Variants in PRKN observed in about 807,000 individuals in gnomAD.
The protein encoded by PRKN is parkin RBR E3 ubiquitin protein ligase, also known as E3 ubiquitin-protein ligase parkin.
Under a neutral mutation model 59.5 loss-of-function variants are expected in PRKN, and 56 were observed. That is an observed-to-expected ratio of 0.94 (90% confidence interval 0.76 to 1.18). PRKN has a LOEUF of 1.18. PRKN is among the 50% of genes most tolerant of loss of function. PRKN has a pLI of 0.00. For missense variants in PRKN, 657 were observed against 596.4 expected, an observed-to-expected ratio of 1.10 and a Z score of -1.06; for synonymous variants, 250 against 222.1, an observed-to-expected ratio of 1.13 and a Z score of -1.12.
intron 2 of PRKN, among the ~76,000 whole-genome samples, chr6:162,290,686 AT>A (rs1781392859): frequency 6.6e-6 from 1 of 152,216 alleles, no homozygotes; most frequent in African/African-American, 2.4e-5. Context: ...TTCTAAAAAA[AT>A]GAAAGTACTA....
chr6:161,716,989 T>G (rs1187591486), intron 7 of PRKN, among the ~76,000 whole-genome samples: 1 of 152,122 alleles, frequency 6.6e-6, no homozygotes, highest in Non-Finnish European at 1.5e-5. Flanking sequence ...AACACGGGCA[T>G]GTGTTCTAAT....
At chr6:162,393,191 G>C (rs958510017) in intron 2 of PRKN, among the ~76,000 whole-genome samples, 5 of 73,792 alleles carry the variant, frequency 6.8e-5, no homozygotes, top group Admixed American at 1.7e-4. Context: ...ACAGAGTCTC[G>C]CTCTGTTGCC....
chr6:161,969,093 G>A (rs1373488719), intron 6 of PRKN, among the ~76,000 whole-genome samples: 2 of 152,002 alleles, frequency 1.3e-5, no homozygotes, highest in Non-Finnish European at 2.9e-5. Context: ...TCTCAAACAT[G>A]GGAAGCCAGA....
intron 7 of PRKN, among the ~76,000 whole-genome samples, chr6:161,606,978 T>C (rs1394037336): frequency 1.3e-5 from 2 of 152,180 alleles, no homozygotes; most frequent in East Asian, 1.9e-4. Flanking sequence ...AGGGGCTTTA[T>C]TGAAATCAGG....
At chr6:161,884,993 C>T (rs1795079630) in intron 6 of PRKN, among the ~76,000 whole-genome samples, 1 of 151,164 alleles carries the variant, frequency 6.6e-6, no homozygotes, top group African/African-American at 2.4e-5. Flanking sequence ...AAAAAAAATG[C>T]TATCTGTAGT....
rs1367046888 is a variant in PRKN at position 161,581,212 on chromosome 6, A to G, written c.872-11796T>C. ...CAACAGAGTGAGACTCTGTCTCAAA[A>G]AAAAAAAAAAAGTTTCTCTATGTAT... On this transcript the variant is annotated intron_variant, in intron 7 of 11. Transcript: ENST00000366898. This position sits in a 1 kb window ranked among gnomAD's most constrained non-coding sequence, Gnocchi z 4.5. Among the ~76,000 whole-genome samples the G allele has an allele frequency of 6.6e-6, 1 of 152,038 alleles. No individual in the cohort carries two copies.
intron 6 of PRKN, among the ~76,000 whole-genome samples, chr6:161,969,269 T>C: frequency 2.2e-5 from 1 of 45,376 alleles, no homozygotes; most frequent in East Asian, 6.9e-4. Context: ...GTCTTATTTG[T>C]TTTTTTTTTT....
intron 4 of PRKN, among the ~76,000 whole-genome samples, chr6:162,098,496 A>G (rs2128298334): frequency 6.6e-6 from 1 of 152,320 alleles, no homozygotes; most frequent in East Asian, 1.9e-4. Flanking sequence ...CTATTTGGAC[A>G]CTAAGCTGCT....
intron 9 of PRKN, among the ~76,000 whole-genome samples, chr6:161,403,493 C>A (rs1365097740): frequency 1.3e-5 from 2 of 152,120 alleles, no homozygotes; most frequent in Non-Finnish European, 2.9e-5. Context: ...GGTTATTGTT[C>A]CAAATCAAAT....
chr6:162,573,138 T>C (rs561617523), intron 1 of PRKN, among the ~76,000 whole-genome samples: 7 of 152,320 alleles, frequency 4.6e-5, no homozygotes, highest in Non-Finnish European at 8.8e-5. Flanking sequence ...GAATGTCTTA[T>C]ATATTTGGGT....
At chr6:162,313,146 C>G (rs1447369700) in intron 2 of PRKN, among the ~76,000 whole-genome samples, 3 of 152,030 alleles carry the variant, frequency 2.0e-5, no homozygotes, top group Non-Finnish European at 4.4e-5. Context: ...CCATCTTACC[C>G]ATCTCTAAGT....
chr6:162,032,389 A>G (rs566175886), intron 5 of PRKN, among the ~76,000 whole-genome samples: 4 of 152,270 alleles, frequency 2.6e-5, no homozygotes, highest in South Asian at 4.1e-4. Context: ...TAGAAAAGGA[A>G]TTCTAAGGCA....
chr6:161,880,316 C>T (rs894618993), intron 6 of PRKN, among the ~76,000 whole-genome samples: 1 of 152,102 alleles, frequency 6.6e-6, no homozygotes, highest in Admixed American at 6.6e-5. Context: ...ATTTCTATTT[C>T]TGGTCATCCT....
chr6:161,943,984 C>G (rs1488587208), intron 6 of PRKN, among the ~76,000 whole-genome samples: 3 of 150,150 alleles, frequency 2.0e-5, no homozygotes, highest in Non-Finnish European at 3.0e-5. Flanking sequence ...GAGGAAGCAG[C>G]CTGAGGAAGG....
rs768688516 is a variant in PRKN, at chr6:162,054,205, A to G, written c.535-31T>C. 7.1e-6 allele frequency: 9 copies of G among 1,265,794 alleles called. No homozygotes were observed. The South Asian group carries it at 9.5e-5, about 13-fold the overall frequency. 78.4% of individuals were successfully genotyped at this position (1,265,794 alleles called of 1,614,324 possible). A position where few individuals can be genotyped will look rare whatever the true frequency, so the allele number is the denominator to read the frequency against. On this transcript the variant is annotated intron_variant, in intron 4 of 11. Transcript: ENST00000366898. ...GGAAAAAACAACAATATATGCTTAT[A>G]TGAGTTATAATAGAAATGTACTCCT...
chr6:161,882,351 C>T (rs988258967), intron 6 of PRKN, among the ~76,000 whole-genome samples: 1 of 152,136 alleles, frequency 6.6e-6, no homozygotes, highest in Non-Finnish European at 1.5e-5. Flanking sequence ...GGGGCGGGGG[C>T]GTGCGGTGCA....
At position 161,804,294 on chromosome 6, in the gene PRKN, TATGAGG is replaced by T. The variant is rs200746874; in HGVS notation, c.735-18392_735-18387del. 6.7e-3 allele frequency among the ~76,000 whole-genome samples: 1,021 copies of T among 152,284 alleles called. 14 individuals carry two copies. Among genetic ancestry groups the T allele is most frequent in the African/African-American group, 0.023 (976 of 41,552 alleles). ...GGTGATGCAGCAGCAGAACTTGATC[TATGAGG>T]CTCTGGTGATGAGCAGTGTGGACAC... On this transcript the variant is annotated intron_variant, in intron 6 of 11. Coordinates refer to ENST00000366898, the MANE Select transcript of PRKN (RefSeq NM_004562.3).
At chr6:162,685,535 C>T (rs919406195) in intron 1 of PRKN, among the ~76,000 whole-genome samples, 1 of 152,064 alleles carries the variant, frequency 6.6e-6, no homozygotes, top group African/African-American at 2.4e-5. Flanking sequence ...TTCCTCTACA[C>T]CTTTACCACC....
At chr6:162,547,078 A>G (rs1425142229) in intron 1 of PRKN, among the ~76,000 whole-genome samples, 2 of 152,170 alleles carry the variant, frequency 1.3e-5, no homozygotes, top group African/African-American at 4.8e-5. Flanking sequence ...TGCCAATCAC[A>G]ACATTCAACT....
Sources: gnomAD v4.1 joint callset for allele counts (sites outside exome capture counted in the v4.1 genomes callset) on GRCh38, gnomAD v4.1.1 for gene constraint, Gnocchi (gnomAD v3.1) non-coding constraint, MANE v1.5 for transcripts, NCBI Gene and HGNC (gene_info 2026-07-23, HGNC 2026-07-21) for gene names.